The following LPIN2 variants were observed in gnomAD, a reference collection of about 807,000 sequenced individuals.
LPIN2 encodes phosphatidate phosphatase LPIN2.
In LPIN2, 55 loss-of-function variants were observed where a neutral mutation model predicts 111.4. The ratio of observed to expected loss-of-function variants is 0.49; its 90% confidence interval spans 0.40 to 0.62. The LOEUF (loss-of-function observed/expected upper bound fraction) is 0.62, where lower values mean the gene tolerates loss of function less well. Ranked by LOEUF, LPIN2 falls within the 20% of genes least tolerant of loss-of-function variation. The pLI is 0.00. For synonymous variants in LPIN2, 425 were observed against 414.0 expected, an observed-to-expected ratio of 1.03 and a Z score of -0.32; for missense variants, 992 against 1,112.1, an observed-to-expected ratio of 0.89 and a Z score of 1.54.
At chr18:2,998,092 A>G (rs1310915092) in intron 1 of LPIN2, among the ~76,000 whole-genome samples, 2 of 152,204 alleles carry the variant, frequency 1.3e-5, no homozygotes, top group Non-Finnish European at 2.9e-5. Flanking sequence ...TAAATTCTGC[A>G]TGGTGCCCAC....
intron 4 of LPIN2, chr18:2,946,839 C>T (rs1267558584): frequency 1.5e-5 from 5 of 333,672 alleles, no homozygotes; most frequent in East Asian, 7.8e-5. Context: ...TACGAGTCAA[C>T]GAATTTCAGC....
chr18:2,973,150 T>C (rs1189339289), intron 1 of LPIN2, among the ~76,000 whole-genome samples: 1 of 152,166 alleles, frequency 6.6e-6, no homozygotes, highest in Admixed American at 6.6e-5. Context: ...AGTTTTAAGA[T>C]TACAAATAGC....
At chr18:2,942,350 G>C (rs1001015318) in intron 4 of LPIN2, among the ~76,000 whole-genome samples, 4 of 152,146 alleles carry the variant, frequency 2.6e-5, no homozygotes, top group African/African-American at 9.7e-5. Flanking sequence ...CTGAGAAAGG[G>C]AAAATCAGGT....
chr18:2,998,248 T>C (rs2078374998), intron 1 of LPIN2, among the ~76,000 whole-genome samples: 1 of 152,250 alleles, frequency 6.6e-6, no homozygotes, highest in East Asian at 1.9e-4. Flanking sequence ...ATTTAGGCTA[T>C]TTTTAAGTAG....
In LPIN2 at chr18:3,006,730, A is replaced by T. The variant is rs370594049; in HGVS notation, c.-10+6357T>A. Among the ~76,000 whole-genome samples, 32 of 152,046 alleles carry T rather than the reference A, an allele frequency of 2.1e-4. No individual in the cohort carries two copies. In the South Asian group the frequency reaches 5.8e-3, roughly 28 times the overall value. ...CGGGAGCCTGTAGTCCCAGCTACTC[A>T]GGAGGCTGAGGCAGGAGAATGGCAT... is the stretch of plus-strand genomic sequence containing the variant. On this transcript the variant is annotated intron_variant, in intron 1 of 19. Coordinates refer to ENST00000677752, the MANE Select transcript of LPIN2 (RefSeq NM_001375808.2).
chr18:2,971,369 TGAG>T (rs757591683), intron 1 of LPIN2, among the ~76,000 whole-genome samples: 5 of 152,122 alleles, frequency 3.3e-5, no homozygotes, highest in Admixed American at 2.6e-4. Flanking sequence ...GCTCAGCGGC[TGAG>T]AAGAAAGCAG....
At chr18:2,937,578 C>G in intron 7 of LPIN2, 114 bp downstream of exon 7, 3 of 616,146 alleles carry the variant, frequency 4.9e-6, no homozygotes, top group South Asian at 1.8e-5. Flanking sequence ...AAAAGTGCGA[C>G]GGGTTTCGAC....
At chr18:2,997,567 A>G (rs1327861768) in intron 1 of LPIN2, among the ~76,000 whole-genome samples, 5 of 152,238 alleles carry the variant, frequency 3.3e-5, no homozygotes, top group African/African-American at 9.6e-5. Context: ...AAACCAAGAC[A>G]GTGCCCCAAT....
chr18:2,963,895 ACT>A (rs78223861), intron 1 of LPIN2, among the ~76,000 whole-genome samples: 2,919 of 151,848 alleles, frequency 0.019, 74 homozygotes, highest in East Asian at 0.077. Flanking sequence ...ACTGGAAACA[ACT>A]CTTTTTTTGA....
rs34050872 is a variant in LPIN2, at chr18:3,005,676, TACACAC to T, written c.-10+7405_-10+7410del. Among the ~76,000 whole-genome samples the T allele has an allele frequency of 1.3e-3, 192 of 147,008 alleles. 1 individual carries two copies. The highest frequency in any genetic ancestry group is 3.0e-3 in the African/African-American group (121 of 39,802). ...TGGACAACAGAGCAAGACACTATCTTACACACACACACACACACACACACACACACA... is the reference window on the plus strand; with the variant it reads ...TGGACAACAGAGCAAGACACTATCTTACACACACACACACACACACACACA... On this transcript the variant is annotated intron_variant, in intron 1 of 19. Transcript: ENST00000677752.
Position 2,937,757 on chromosome 18 carries a change from G to C in LPIN2, c.1103C>G (p.Ala368Gly). The change falls in exon 7 of 20, where the codon GCC becomes GGC. Residue 368 changes from alanine to glycine, a missense_variant. Ala to Gly is a moderately conservative substitution (Grantham distance 60). Around this residue, in one of 4 missense-constraint regions of LPIN2, gnomAD observed 709 missense variants for 753.2 expected, o/e 0.94. Transcript: ENST00000677752. ...MLDADHLPNA[A>G]LAEAPSESKP... ...GGATTCTGAGGGCGCCTCCGCTAAG[G>C]CTGCGTTGGGAAGGTGGTCAGCATC... 1.9e-6 allele frequency: 3 copies of C among 1,614,104 alleles called. No individual in the cohort carries two copies. The highest frequency in any genetic ancestry group is 1.3e-5 in the African/African-American group (1 of 74,996).
intron 1 of LPIN2, among the ~76,000 whole-genome samples, chr18:2,982,367 T>C (rs928283046): frequency 3.9e-5 from 6 of 152,194 alleles, no homozygotes; most frequent in Admixed American, 3.9e-4. Flanking sequence ...AAACATAATT[T>C]TTAAAAATTC....
intron 8 of LPIN2, among the ~76,000 whole-genome samples, chr18:2,931,783 C>T (rs186441270): frequency 1.2e-3 from 186 of 152,096 alleles, no homozygotes; most frequent in Non-Finnish European, 2.3e-3. Context: ...TTTACATTTC[C>T]ATGATGAAAA....
At chr18:2,985,543 G>A (rs2078175499) in intron 1 of LPIN2, 1 of 151,778 alleles carries the variant, frequency 6.6e-6, no homozygotes, top group Non-Finnish European at 1.5e-5. Context: ...AAGCTAAAAT[G>A]CTAGTTAGGA....
chr18:2,934,570 T>G, intron 7 of LPIN2, 120 bp from the exon 8 acceptor site: 1 of 717,390 alleles, frequency 1.4e-6, no homozygotes, highest in Non-Finnish European at 2.5e-6. Flanking sequence ...GGTTTTAATT[T>G]TAAAGGTGTC....
At chr18:3,011,290 G>T (rs111640134) in intron 1 of LPIN2, among the ~76,000 whole-genome samples, 1 of 152,110 alleles carries the variant, frequency 6.6e-6, no homozygotes, top group South Asian at 2.1e-4. Flanking sequence ...AGCATAATGC[G>T]TGCCTATTGA....
At chr18:2,957,921 C>T (rs951026362) in intron 2 of LPIN2, among the ~76,000 whole-genome samples, 2 of 151,694 alleles carry the variant, frequency 1.3e-5, no homozygotes, top group Non-Finnish European at 2.9e-5. Flanking sequence ...GAGGCCAAGG[C>T]GGGTGGATTA....
chr18:2,922,283 T>A, intron 16 of LPIN2, 84 bp from the exon 17 acceptor site: 3 of 1,492,894 alleles, frequency 2.0e-6, no homozygotes, highest in South Asian at 1.2e-5. Context: ...CCCACACTTT[T>A]CTTTCTTTTT....
intron 4 of LPIN2, among the ~76,000 whole-genome samples, chr18:2,941,325 A>G (rs186991848): frequency 6.6e-6 from 1 of 152,312 alleles, no homozygotes; most frequent in African/African-American, 2.4e-5. Flanking sequence ...CTTGGAATCT[A>G]CAAGATGTGG....
Sources: allele counts gnomAD v4.1 joint callset (sites outside exome capture counted in the v4.1 genomes callset), GRCh38; gene constraint gnomAD v4.1.1; regional missense constraint gnomAD v4.1.1; transcripts MANE v1.5; gene names NCBI Gene and HGNC (gene_info 2026-07-23, HGNC 2026-07-21).